PCDH15: variants seen among roughly 807,000 people sequenced by gnomAD.
The protein encoded by PCDH15 is protocadherin-15.
PCDH15 carries 129 observed loss-of-function variants against 178.5 expected under a neutral mutation model. The observed-to-expected ratio is 0.72, with a 90% confidence interval of 0.63 to 0.84. PCDH15 has a LOEUF of 0.84. Among genes scored for constraint, PCDH15 ranks in the 40% least tolerant of loss-of-function variants. The pLI, the probability that PCDH15 is intolerant of heterozygous loss-of-function variation, is 0.00. For missense variants in PCDH15, 2,230 were observed against 2,099.9 expected (o/e 1.06, Z -1.21); for synonymous variants, 800 against 732.0 (o/e 1.09, Z -1.50).
chr10:54,985,883 CA>C (rs1839352875), intron 2 of PCDH15, among the ~76,000 whole-genome samples: 2 of 152,156 alleles, frequency 1.3e-5, no homozygotes, highest in Admixed American at 1.3e-4. Flanking sequence ...CATCTCACAA[CA>C]AACAGGACAT....
At chr10:54,753,278 GGTTCAA>G (rs1374441523) in intron 1 of PCDH15, among the ~76,000 whole-genome samples, 2 of 152,008 alleles carry the variant, frequency 1.3e-5, no homozygotes, top group Non-Finnish European at 2.9e-5. Context: ...CTGCCTCCCA[GGTTCAA>G]GTGATTCTGG....
At chr10:55,303,618 T>C (rs909083599) in intron 1 of PCDH15, among the ~76,000 whole-genome samples, 1 of 152,192 alleles carries the variant, frequency 6.6e-6, no homozygotes, top group Non-Finnish European at 1.5e-5. Flanking sequence ...CTATTTCATA[T>C]TGAGTGAATT....
intron 2 of PCDH15, among the ~76,000 whole-genome samples, chr10:54,555,330 T>C (rs113478518): frequency 0.022 from 3,406 of 152,276 alleles, 53 homozygotes; most frequent in Non-Finnish European, 0.032. Context: ...CATCGTTTGC[T>C]CATTTGAGAC....
chr10:54,231,184 C>T (rs138358014), intron 9 of PCDH15, among the ~76,000 whole-genome samples: 25 of 152,320 alleles, frequency 1.6e-4, no homozygotes, highest in South Asian at 4.1e-4. Context: ...GCCAGGACCA[C>T]GGCTCCACTG....
intron 1 of PCDH15, among the ~76,000 whole-genome samples, chr10:54,790,320 T>C (rs987086714): frequency 6.6e-6 from 1 of 151,336 alleles, no homozygotes; most frequent in African/African-American, 2.4e-5. Flanking sequence ...ACACACACAT[T>C]TTTACATATG....
At chr10:55,544,349 T>C (rs1414199025) in intron 2 of PCDH15, among the ~76,000 whole-genome samples, 4 of 151,452 alleles carry the variant, frequency 2.6e-5, no homozygotes, top group Non-Finnish European at 5.9e-5. Flanking sequence ...GTTAAACCTT[T>C]TAACACTGAA....
At chr10:54,202,514 A>G (rs1430370605) in intron 10 of PCDH15, among the ~76,000 whole-genome samples, 1 of 152,104 alleles carries the variant, frequency 6.6e-6, no homozygotes. Flanking sequence ...AAGGCCTAAT[A>G]AAAAGCAGAT....
chr10:55,014,316 A>C (rs1337632009), intron 2 of PCDH15, among the ~76,000 whole-genome samples: 9 of 152,162 alleles, frequency 5.9e-5, no homozygotes, highest in African/African-American at 2.2e-4. Context: ...GATGCAATAC[A>C]CAAACTTATT....
At chr10:54,337,193 C>T (rs1941352839) in intron 6 of PCDH15, among the ~76,000 whole-genome samples, 1 of 152,022 alleles carries the variant, frequency 6.6e-6, no homozygotes. Context: ...TTTACAGGCT[C>T]ATGGGTGTAA....
intron 3 of PCDH15, among the ~76,000 whole-genome samples, chr10:54,477,977 C>A (rs2078405933): frequency 6.6e-6 from 1 of 152,116 alleles, no homozygotes; most frequent in Admixed American, 6.6e-5. Flanking sequence ...TAAAATCTAA[C>A]ACTAATTTCA....
intron 3 of PCDH15, among the ~76,000 whole-genome samples, chr10:54,380,715 T>TGCTCC (rs10686924): frequency 0.21 from 11,479 of 54,398 alleles, 2,668 homozygotes; most frequent in Non-Finnish European, 0.35. Context: ...CATATATATA[T>TGCTCC]ATATATATAT....
At chr10:53,981,233 C>T (rs1416420733) in intron 21 of PCDH15, among the ~76,000 whole-genome samples, 1 of 152,092 alleles carries the variant, frequency 6.6e-6, no homozygotes, top group Non-Finnish European at 1.5e-5. Flanking sequence ...CTTCATTATT[C>T]AGCACATTTT....
chr10:55,588,518 T>C (rs1044416536), intron 2 of PCDH15, among the ~76,000 whole-genome samples: 3 of 152,182 alleles, frequency 2.0e-5, no homozygotes, highest in African/African-American at 7.2e-5. Context: ...TGGTGTGTCT[T>C]AGTTCTGGTA....
intron 1 of PCDH15, among the ~76,000 whole-genome samples, chr10:54,748,127 T>C (rs979699054): frequency 2.6e-5 from 4 of 152,248 alleles, no homozygotes; most frequent in Admixed American, 2.6e-4. Context: ...ACATTCTTAT[T>C]TGAGATATGG....
intron 18 of PCDH15, among the ~76,000 whole-genome samples, chr10:54,058,424 G>T (rs540206207): frequency 1.3e-5 from 2 of 152,130 alleles, no homozygotes; most frequent in Non-Finnish European, 2.9e-5. Flanking sequence ...GAAAGACAGC[G>T]TATGCAGGGG....
At chr10:54,826,945 A>G (rs1374171396) in intron 3 of PCDH15, among the ~76,000 whole-genome samples, 1 of 152,126 alleles carries the variant, frequency 6.6e-6, no homozygotes, top group Non-Finnish European at 1.5e-5. Flanking sequence ...TTGAACAACC[A>G]CAAGCAATCA....
At chr10:54,884,869 A>C (rs936929775) in intron 3 of PCDH15, among the ~76,000 whole-genome samples, 1 of 152,124 alleles carries the variant, frequency 6.6e-6, no homozygotes, top group African/African-American at 2.4e-5. Flanking sequence ...GTTTTAAAAA[A>C]TACATTAAAT....
At chr10:55,408,649 A>G (rs1257500769) in intron 2 of PCDH15, among the ~76,000 whole-genome samples, 1 of 152,168 alleles carries the variant, frequency 6.6e-6, no homozygotes, top group Non-Finnish European at 1.5e-5. Context: ...TAAAAATGGT[A>G]TACAATATGT....
chr10:54,791,220 G>C (rs915155741), intron 1 of PCDH15, among the ~76,000 whole-genome samples: 5 of 151,864 alleles, frequency 3.3e-5, no homozygotes, highest in African/African-American at 4.8e-5. Context: ...ATATGAGGTA[G>C]TACTCAGCAA....
Sources: gnomAD v4.1 joint callset for allele counts (sites outside exome capture counted in the v4.1 genomes callset) on GRCh38, gnomAD v4.1.1 for gene constraint, MANE v1.5 for transcripts, NCBI Gene and HGNC (gene_info 2026-07-23, HGNC 2026-07-21) for gene names.